The following ANK3 variants were observed in gnomAD, a reference collection of about 807,000 sequenced individuals.
The protein encoded by ANK3 is ankyrin 3.
In ANK3, 57 loss-of-function variants were observed where a neutral mutation model predicts 370.9. The ratio of observed to expected loss-of-function variants is 0.15; its 90% CI spans 0.12 to 0.19. The LOEUF is 0.19. Ranked by LOEUF, ANK3 falls within the 10% of genes least tolerant of loss-of-function variation. ANK3 has a pLI of 1.00. For missense variants in ANK3, 4,439 were observed against 5,302.1 expected (o/e 0.84, Z 5.06); for synonymous variants, 1,929 against 1,946.3 (o/e 0.99, Z 0.23).
Position 60,086,714 on chromosome 10 carries a change from G to A in ANK3, c.3711C>T (p.Asp1237=), listed in dbSNP as rs758380216. Residue 1237 remains aspartate (D), a synonymous_variant, in exon 30 of 44, where the codon GAC becomes GAT. Transcript: ENST00000280772. ...AGAGAAGACGCAGATTGGGTGTAGT[G>A]TCCCCTTTGTATCCATTGGATACAC... The part of the protein sequence containing the change: ...GEGVSNGYKG[D]TTPNLRLLCS... The A allele has an allele frequency of 1.3e-5, 21 of 1,613,598 alleles. No individual in the cohort carries two copies. In the South Asian group the frequency reaches 2.2e-4, roughly 17 times the overall value.
At chr10:60,523,102 T>A (rs1213509735) in intron 2 of ANK3, among the ~76,000 whole-genome samples, 1 of 152,106 alleles carries the variant, frequency 6.6e-6, no homozygotes. Flanking sequence ...TATCAAGTAA[T>A]CTACTTTTGC....
At chr10:60,612,851 T>A (rs1484630865) in intron 2 of ANK3, among the ~76,000 whole-genome samples, 1 of 152,198 alleles carries the variant, frequency 6.6e-6, no homozygotes, top group Non-Finnish European at 1.5e-5. Context: ...TCTTCTGGCA[T>A]CACGGGCACA....
chr10:60,270,855 G>GT (rs1476708439), intron 4 of ANK3, among the ~76,000 whole-genome samples: 1 of 152,076 alleles, frequency 6.6e-6, no homozygotes, highest in Non-Finnish European at 1.5e-5. Flanking sequence ...TTCACAGTCT[G>GT]TTTTTTGTAG....
chr10:60,717,707 T>G (rs1178934587), intron 1 of ANK3, among the ~76,000 whole-genome samples: 1 of 152,244 alleles, frequency 6.6e-6, no homozygotes. Flanking sequence ...CAGATTAGTC[T>G]GACTCTGAAA....
chr10:60,680,303 C>G (rs147240128), intron 1 of ANK3, among the ~76,000 whole-genome samples: 4 of 152,304 alleles, frequency 2.6e-5, no homozygotes, highest in Admixed American at 2.0e-4. Flanking sequence ...CACTGCTGCT[C>G]GCACCACAGT....
intron 1 of ANK3, among the ~76,000 whole-genome samples, chr10:60,656,818 T>C (rs1276080728): frequency 6.6e-6 from 1 of 152,044 alleles, no homozygotes; most frequent in Non-Finnish European, 1.5e-5. Flanking sequence ...AGTGTAGTAG[T>C]GCGATCATAA....
intron 6 of ANK3, among the ~76,000 whole-genome samples, chr10:60,262,791 G>C (rs906221361): frequency 6.6e-6 from 1 of 152,180 alleles, no homozygotes; most frequent in African/African-American, 2.4e-5. Context: ...TGAGTAGAAT[G>C]ACAGGGTTGT....
chr10:60,133,869 A>G (rs1466120050), intron 25 of ANK3, among the ~76,000 whole-genome samples: 1 of 152,146 alleles, frequency 6.6e-6, no homozygotes, highest in African/African-American at 2.4e-5. Flanking sequence ...CAGTGAGCTG[A>G]CATCATGCCA....
At chr10:60,607,252 T>C (rs2078140837) in intron 2 of ANK3, among the ~76,000 whole-genome samples, 1 of 152,090 alleles carries the variant, frequency 6.6e-6, no homozygotes, top group South Asian at 2.1e-4. Context: ...AGGTAGGTAT[T>C]ATATCTATTT....
chr10:60,375,108 C>T (rs1351897821), intron 1 of ANK3, among the ~76,000 whole-genome samples: 1 of 152,082 alleles, frequency 6.6e-6, no homozygotes, highest in Non-Finnish European at 1.5e-5. Flanking sequence ...GTGATCTTTG[C>T]CTCTCTAGGT....
At chr10:60,589,922 C>T (rs2077886743) in intron 2 of ANK3, among the ~76,000 whole-genome samples, 1 of 152,088 alleles carries the variant, frequency 6.6e-6, no homozygotes, top group Admixed American at 6.5e-5. Context: ...ACAATTTTGC[C>T]CCTCTCTAAT....
intron 7 of ANK3, among the ~76,000 whole-genome samples, chr10:60,242,711 G>A (rs2132568550): frequency 6.6e-6 from 1 of 152,282 alleles, no homozygotes; most frequent in Non-Finnish European, 1.5e-5. Context: ...TCACAGGGGT[G>A]TCAAGAGGAG....
At chr10:60,185,876 A>G (rs2096312229) in intron 17 of ANK3, among the ~76,000 whole-genome samples, 1 of 152,158 alleles carries the variant, frequency 6.6e-6, no homozygotes, top group Admixed American at 6.5e-5. Flanking sequence ...ACTTTGCTTG[A>G]CAAAACTCTA....
intron 2 of ANK3, among the ~76,000 whole-genome samples, chr10:60,412,566 TG>T (rs1374756575): frequency 6.6e-6 from 1 of 152,212 alleles, no homozygotes; most frequent in Non-Finnish European, 1.5e-5. Context: ...AATCTCTTTC[TG>T]TGTATATTTT....
intron 2 of ANK3, among the ~76,000 whole-genome samples, chr10:60,517,149 C>A (rs1471442811): frequency 6.6e-6 from 1 of 152,118 alleles, no homozygotes; most frequent in Admixed American, 6.6e-5. Flanking sequence ...ACTGTAAACT[C>A]CACCTCCCAG....
At chr10:60,373,030 T>C (rs1030058101) in intron 1 of ANK3, among the ~76,000 whole-genome samples, 3 of 152,238 alleles carry the variant, frequency 2.0e-5, no homozygotes, top group Non-Finnish European at 1.5e-5. Flanking sequence ...TTTGAAATCA[T>C]GTTTGTCATC....
At chr10:60,724,869 C>T (rs2079918698) in intron 1 of ANK3, among the ~76,000 whole-genome samples, 1 of 152,150 alleles carries the variant, frequency 6.6e-6, no homozygotes, top group South Asian at 2.1e-4. Flanking sequence ...ATAAAAGGAA[C>T]TCAAACAGTA....
chr10:60,495,277 G>C (rs898251233), intron 2 of ANK3, among the ~76,000 whole-genome samples: 1 of 152,166 alleles, frequency 6.6e-6, no homozygotes, highest in Non-Finnish European at 1.5e-5. Flanking sequence ...TCATGCTATA[G>C]TTCTAGAATG....
chr10:60,213,387 G>A (rs2096886624), intron 9 of ANK3, 25 bp downstream of exon 9: 1 of 1,539,304 alleles, frequency 6.5e-7, no homozygotes, highest in Admixed American at 1.7e-5. Context: ...ACAGTCCAAT[G>A]TCCAGAAACC....
Sources: allele counts gnomAD v4.1 joint callset (sites outside exome capture counted in the v4.1 genomes callset), GRCh38; gene constraint gnomAD v4.1.1; transcripts MANE v1.5; gene names NCBI Gene and HGNC (gene_info 2026-07-23, HGNC 2026-07-21).